The following ZGRF1 variants were observed in gnomAD, a reference collection of about 807,000 sequenced individuals.
The protein encoded by ZGRF1 is 5'-3' DNA helicase ZGRF1.
ZGRF1 carries 196 observed loss-of-function variants against 203.5 expected under a neutral mutation model. The observed-to-expected ratio is 0.96, with a 90% CI of 0.86 to 1.08. The LOEUF (loss-of-function observed/expected upper bound fraction) is 1.08. Ranked by LOEUF, ZGRF1 falls within the 50% of genes least tolerant of loss-of-function variation. The probability of loss-of-function intolerance (pLI) is 0.00; values close to 1 mark genes in which losing one functional copy is unlikely to be tolerated. For missense variants in ZGRF1, 2,326 were observed against 2,416.3 expected (o/e 0.96, Z 0.78); for synonymous variants, 809 against 841.3 (o/e 0.96, Z 0.66).
intron 11 of ZGRF1, 57 bp downstream of exon 11, chr4:112,589,667 T>C (rs1396348274): frequency 1.4e-6 from 2 of 1,479,512 alleles, no homozygotes; most frequent in Non-Finnish European, 9.4e-7. Flanking sequence ...ATCTCTCAAA[T>C]AAAAAACTTC....
intron 13 of ZGRF1, 34 bp from the exon 14 acceptor site, chr4:112,585,759 A>C (rs766514219): frequency 3.4e-6 from 5 of 1,479,142 alleles, no homozygotes; most frequent in Non-Finnish European, 4.5e-6. Flanking sequence ...CAGAAAATTA[A>C]ATACAAAATA....
Position 112,558,228 on chromosome 4 carries a change from G to A in ZGRF1, c.5042C>T (p.Pro1681Leu). 1 of 1,605,160 alleles carries A rather than the reference G, an allele frequency of 6.2e-7. No homozygotes were observed. The highest frequency in any genetic ancestry group is 8.5e-7 in the Non-Finnish European group (1 of 1,176,494). Residue 1681 changes from proline to leucine, a missense_variant, in exon 20 of 28, where the codon CCC becomes CTC. Pro to Leu is a moderately conservative substitution (Grantham distance 98). Coordinates refer to ENST00000505019, the MANE Select transcript of ZGRF1 (RefSeq NM_018392.5). The stretch of plus-strand genomic sequence containing the variant: ...CCACGGCCTTGCATTTCCAATGGTG[G>A]GAGCTTCACTCTTTTCAAACAGCTG... ...FVQLFEKSEA[P>L]TIGNARPWKL...
intron 3 of ZGRF1, chr4:112,624,113 G>C (rs1000555012): frequency 9.6e-6 from 3 of 310,914 alleles, no homozygotes; most frequent in Non-Finnish European, 1.8e-5. Context: ...CCCCTTCCAC[G>C]CTGTGGAAGC....
chr4:112,589,708 AT>A lies in ZGRF1; in HGVS notation c.3127+15del, dbSNP rs757298355. 1 of 1,609,838 alleles carries A rather than the reference AT, an allele frequency of 6.2e-7. No homozygotes were observed. The highest frequency in any genetic ancestry group is 1.1e-5 in the South Asian group (1 of 90,962). ...AAATGAATAGACAGATATTAGAGCA[AT>A]GTGGTAACGACTACCCTCCAAGTTG... On this transcript the variant is annotated intron_variant, in intron 11 of 27. Coordinates refer to ENST00000505019, the MANE Select transcript of ZGRF1 (RefSeq NM_018392.5).
rs544804341 is a variant in ZGRF1, at chr4:112,581,705, G to C, written c.4396C>G (p.Leu1466Val). 5 of 1,583,420 alleles carry C rather than the reference G, an allele frequency of 3.2e-6. 1 individual carries two copies. The East Asian group carries it at 9.3e-5, about 30-fold the overall frequency. The change falls in exon 16 of 28, where the codon CTT becomes GTT. Residue 1466 changes from leucine (L) to valine (V), a missense_variant. By Grantham distance (32) the Leu-to-Val change is conservative. Coordinates refer to ENST00000505019, the MANE Select transcript of ZGRF1 (RefSeq NM_018392.5). ...FYNEPKTKLYLKLSRKERSSA... is the reference protein window; with the variant it reads ...FYNEPKTKLYVKLSRKERSSA... ...GATCTTTCCTTCCGACTTAGCTTAAGATAAAGTTTGGTTTTTGGTTCATTA... is the reference window on the plus strand; with the variant it reads ...GATCTTTCCTTCCGACTTAGCTTAACATAAAGTTTGGTTTTTGGTTCATTA...
chr4:112,623,134 G>T (rs538208232), intron 4 of ZGRF1, among the ~76,000 whole-genome samples: 1 of 152,272 alleles, frequency 6.6e-6, no homozygotes, highest in East Asian at 1.9e-4. Context: ...GCATTAGTTT[G>T]CTAAGGATAA....
chr4:112,618,894 T>C lies in ZGRF1; in HGVS notation c.1148A>G (p.Lys383Arg), dbSNP rs1430144835. ...GACTGACTGGTCTACATTATACTTT[T>C]TCCTCTCTTCAGCATACGTTTCAAC... is the stretch of plus-strand genomic sequence containing the variant. ...QFVETYAEER[K>R]KYNVDQSVGN... The change falls in exon 6 of 28, where the codon AAA becomes AGA. Residue 383 changes from lysine to arginine, a missense_variant. Lys to Arg is a conservative substitution (Grantham distance 26, BLOSUM62 2). Coordinates refer to ENST00000505019, the MANE Select transcript of ZGRF1 (RefSeq NM_018392.5). 1.1e-5 allele frequency: 17 copies of C among 1,613,882 alleles called. No homozygotes were observed. The highest frequency in any genetic ancestry group is 1.4e-5 in the Non-Finnish European group (17 of 1,179,860).
intron 10 of ZGRF1, among the ~76,000 whole-genome samples, chr4:112,600,817 C>T (rs1749832879): frequency 6.6e-6 from 1 of 152,150 alleles, no homozygotes; most frequent in South Asian, 2.1e-4. Flanking sequence ...AGATCATGTG[C>T]CTGCCCTTTT....
In ZGRF1 at chr4:112,618,736, C is replaced by A; in HGVS notation, c.1306G>T (p.Asp436Tyr). The change falls in exon 6 of 28, where the codon GAT (aspartate) becomes TAT (tyrosine). Residue 436 changes from aspartate to tyrosine, a missense_variant. By Grantham distance (160) the Asp-to-Tyr change is radical (BLOSUM62 -3). Coordinates refer to ENST00000505019, the MANE Select transcript of ZGRF1 (RefSeq NM_018392.5). The part of the protein sequence containing the change: ...GILSESDIQE[D>Y]NKIPFNQNDK... ...TTTTGATTAAAAGGTATTTTATTAT[C>A]TTCTTGAATGTCAGATTCTGATAAT... The A allele has an allele frequency of 6.2e-7, 1 of 1,610,486 alleles. No individual in the cohort carries two copies. Among genetic ancestry groups the A allele is most frequent in the Non-Finnish European group, 8.5e-7 (1 of 1,178,800 alleles).
intron 3 of ZGRF1, chr4:112,629,937 T>C (rs2047352041): frequency 6.0e-6 from 2 of 332,960 alleles, no homozygotes; most frequent in Admixed American, 3.4e-5. Context: ...GATAATCACT[T>C]GAACCTTGGA....
rs567796171 is a variant in ZGRF1, at chr4:112,561,149, T to C, written c.4698-154A>G. ...TAAGTGGATATATACTGTAAATGGA[T>C]ACATACTCCAATATCGAGGAGGGTA... On this transcript the variant is annotated intron_variant, in intron 18 of 27. Transcript: ENST00000505019. 9.2e-5 allele frequency: 58 copies of C among 627,212 alleles called. 1 individual carries two copies. In the South Asian group the frequency reaches 1.1e-3, roughly 12 times the overall value. 38.9% of individuals were successfully genotyped at this position (627,212 alleles called of 1,614,324 possible). A position where few individuals can be genotyped will look rare whatever the true frequency, so the allele number is the denominator to read the frequency against.
At chr4:112,612,409 C>T in intron 7 of ZGRF1, 115 bp downstream of exon 7, 1 of 622,062 alleles carries the variant, frequency 1.6e-6, no homozygotes, top group Non-Finnish European at 2.8e-6. Flanking sequence ...TACTGAGATA[C>T]AGCAGGAGTC....
intron 16 of ZGRF1, among the ~76,000 whole-genome samples, chr4:112,568,039 A>T (rs909177388): frequency 6.6e-6 from 1 of 152,232 alleles, no homozygotes; most frequent in African/African-American, 2.4e-5. Context: ...AGGAATCAAT[A>T]GCCAATTCAG....
chr4:112,611,970 GT>G (rs199641683), intron 7 of ZGRF1, among the ~76,000 whole-genome samples: 55 of 143,888 alleles, frequency 3.8e-4, no homozygotes, highest in South Asian at 2.2e-3. Flanking sequence ...GTGGGGTTTT[GT>G]TTTTTTTTTT....
At chr4:112,540,725 G>C (rs1737390590) in intron 26 of ZGRF1, 96 bp downstream of exon 26, 1 of 961,728 alleles carries the variant, frequency 1.0e-6, no homozygotes, top group African/African-American at 1.7e-5. Flanking sequence ...AAGTTTTTCA[G>C]GCACCAAACC....
chr4:112,633,129 C>T (rs1170683969), intron 2 of ZGRF1, 27 bp downstream of exon 2: 1 of 1,597,794 alleles, frequency 6.3e-7, no homozygotes, highest in South Asian at 1.1e-5. Flanking sequence ...GGAATTTCAC[C>T]AAACTGTGAA....
At chr4:112,626,816 C>CT (rs1560886369) in intron 3 of ZGRF1, among the ~76,000 whole-genome samples, 4 of 150,292 alleles carry the variant, frequency 2.7e-5, no homozygotes, top group Non-Finnish European at 5.9e-5. Flanking sequence ...ATTTATTTTT[C>CT]TTTTTTTGAG....
chr4:112,589,055 A>T (rs1355048265), intron 11 of ZGRF1, among the ~76,000 whole-genome samples: 1 of 152,184 alleles, frequency 6.6e-6, no homozygotes, highest in Admixed American at 6.6e-5. Context: ...TTCACATTAC[A>T]GAATTTTTTG....
intron 6 of ZGRF1, 112 bp downstream of exon 6, chr4:112,617,328 C>T (rs935865587): frequency 1.4e-6 from 1 of 712,002 alleles, no homozygotes; most frequent in Non-Finnish European, 2.2e-6. Context: ...CATGTATTAC[C>T]TATTTAAACA....
Sources: gnomAD v4.1 joint callset for allele counts (sites outside exome capture counted in the v4.1 genomes callset) on GRCh38, gnomAD v4.1.1 for gene constraint, MANE v1.5 for transcripts, NCBI Gene and HGNC (gene_info 2026-07-23, HGNC 2026-07-21) for gene names.